SPEM2: variants seen among roughly 807,000 people sequenced by gnomAD.
SPEM2 encodes the protein SPEM family member 2, also known as uncharacterized protein SPEM2.
A neutral mutation model predicts 9.3 loss-of-function variants in SPEM2; 15 were observed. The ratio of observed to expected loss-of-function variants is 1.62; its 90% CI spans 1.08 to 2.50. The LOEUF (loss-of-function observed/expected upper bound fraction) is 2.50. SPEM2 is among the 30% of genes most tolerant of loss of function. SPEM2 has a pLI of 0.00. For synonymous variants in SPEM2, 268 were observed against 272.4 expected (o/e 0.98, Z 0.16); for missense variants, 678 against 690.0 (o/e 0.98, Z 0.19).
Position 7,426,949 on chromosome 17 carries a change from G to A in SPEM2, c.958G>A (p.Gly320Ser), listed in dbSNP as rs966790156. Residue 320 changes from glycine (G) to serine (S), a missense_variant, in exon 3 of 3, where the codon GGC becomes AGC. Coordinates refer to ENST00000333870, the MANE Select transcript of SPEM2 (RefSeq NM_175734.5). The surrounding 1 kb of genome is among the most constrained non-coding windows in gnomAD (Gnocchi z 5.3). ...GGATCAGCGGCGTCGTGGCACGGAG[G>A]GCTTTGAGCGCCCCCCTGCCTCGGT... ...SWDQRRRGTE[G>S]FERPPASVSR... 1.2e-6 allele frequency: 2 copies of A among 1,612,698 alleles called. No homozygotes were observed. Among genetic ancestry groups the A allele is most frequent in the Admixed American group, 1.7e-5 (1 of 60,006 alleles).
Position 7,426,008 on chromosome 17 carries a change from C to T in SPEM2, c.154C>T (p.Gln52Ter). 6.2e-7 allele frequency: 1 copy of T among 1,614,192 alleles called. No individual in the cohort carries two copies. Among genetic ancestry groups the T allele is most frequent in the Non-Finnish European group, 8.5e-7 (1 of 1,180,030 alleles). ...CCTGCCCCAGATGTGGCATGGACTC[C>T]AGAACGCCTTAGACAAGATGATTGA... The part of the protein sequence containing the change: ...NVATMMWHGL[Q>*]NALDKMIDWA... Residue 52 changes from glutamine (Q) to a stop codon, truncating the protein, a stop_gained, in exon 2 of 3, where the codon CAG becomes TAG. Coordinates refer to ENST00000333870, the MANE Select transcript of SPEM2 (RefSeq NM_175734.5). LOFTEE classifies it low-confidence loss of function (END_TRUNC). This position sits in a 1 kb window ranked among gnomAD's most constrained non-coding sequence, Gnocchi z 5.3.
At chr17:7,425,910 T>C in intron 1 of SPEM2, 83 bp from the exon 2 acceptor site, 2 of 1,605,322 alleles carry the variant, frequency 1.2e-6, no homozygotes, top group Non-Finnish European at 1.7e-6. Context: ...CACCTGCAGG[T>C]GCGGTCTAGA....
rs1469742795 is a variant in SPEM2 at position 7,426,929 on chromosome 17, AGCG to A, written c.942_944del (p.Arg316del). ...TGGATGCTGTATGACTCCTGGGATC[AGCG>A]GCGTCGTGGCACGGAGGGCTTTGAG... On this transcript the variant is annotated inframe_deletion, in exon 3 of 3. Coordinates refer to ENST00000333870, the MANE Select transcript of SPEM2 (RefSeq NM_175734.5). This position sits in a 1 kb window ranked among gnomAD's most constrained non-coding sequence, Gnocchi z 5.3. The A allele has an allele frequency of 1.3e-5, 21 of 1,613,154 alleles. No homozygotes were observed. The highest frequency in any genetic ancestry group is 1.5e-5 in the Non-Finnish European group (18 of 1,179,982).
chr17:7,425,751 C>G lies in SPEM2; in HGVS notation c.63C>G (p.His21Gln). 6.2e-7 allele frequency: 1 copy of G among 1,614,208 alleles called. No homozygotes were observed. The highest frequency in any genetic ancestry group is 8.5e-7 in the Non-Finnish European group (1 of 1,180,012). ...GCAATCAATACCAAGAAAGCCCCCA[C>G]GATGCCGAGGACATCTTACTCCTGC... Reference protein sequence around the residue: ...RCCNQYQESPHDAEDILLLLL... With the variant: ...RCCNQYQESPQDAEDILLLLL... Residue 21 changes from histidine to glutamine, a missense_variant, in exon 1 of 3, where the codon CAC (histidine) becomes CAG (glutamine). His to Gln is a conservative substitution (Grantham distance 24). Transcript: ENST00000333870.
At position 7,425,669 on chromosome 17, in the gene SPEM2, G is replaced by T; in HGVS notation, c.-20G>T. On this transcript the variant is annotated 5_prime_UTR_variant, in exon 1 of 3. Transcript: ENST00000333870. ...GGGGGCAGAGGGGGGTGGCCCAGGTGGCCCTAGGACCCCCCCTCCATGGAA... is the reference window on the plus strand; with the variant it reads ...GGGGGCAGAGGGGGGTGGCCCAGGTTGCCCTAGGACCCCCCCTCCATGGAA... 3 of 1,610,866 alleles carry T rather than the reference G, an allele frequency of 1.9e-6. No homozygotes were observed. In the South Asian group the frequency reaches 3.3e-5, roughly 18 times the overall value.
chr17:7,426,624 C>T lies in SPEM2; in HGVS notation c.633C>T (p.Gly211=). ...RGWGGFYQRA[G]LPSNVGLWGH... ...GGGGCGGGTTTTATCAGAGAGCGGG[C>T]CTGCCCTCCAATGTGGGGCTGTGGG... is the stretch of plus-strand genomic sequence containing the variant. Residue 211 remains glycine, a synonymous_variant, in exon 3 of 3, where the codon GGC becomes GGT. Coordinates refer to ENST00000333870, the MANE Select transcript of SPEM2 (RefSeq NM_175734.5). This position sits in a 1 kb window ranked among gnomAD's most constrained non-coding sequence, Gnocchi z 5.3. The T allele has an allele frequency of 6.2e-7, 1 of 1,613,968 alleles. No homozygotes were observed. The highest frequency in any genetic ancestry group is 8.5e-7 in the Non-Finnish European group (1 of 1,179,894).
In SPEM2 at chr17:7,426,783, A is replaced by C. The variant is rs112173827; in HGVS notation, c.792A>C (p.Gln264His). The C allele has an allele frequency of 1.2e-6, 2 of 1,602,648 alleles. No individual in the cohort carries two copies. Among genetic ancestry groups the C allele is most frequent in the South Asian group, 1.1e-5 (1 of 89,598 alleles). Residue 264 changes from glutamine to histidine, a missense_variant, in exon 3 of 3, where the codon CAA becomes CAC. By Grantham distance (24) the Gln-to-His change is conservative (BLOSUM62 0). Transcript: ENST00000333870. The surrounding 1 kb of genome is among the most constrained non-coding windows in gnomAD (Gnocchi z 5.3). The part of the protein sequence containing the change: ...RLQSYGRHGS[Q>H]SRLWGNVEAE... ...AGTCCTATGGGCGCCACGGTTCCCA[A>C]TCCCGACTGTGGGGCAATGTGGAGG... is the stretch of plus-strand genomic sequence containing the variant.
rs779400015 is a variant in SPEM2, at chr17:7,427,482, C to G, written c.1491C>G (p.Thr497=). The part of the protein sequence containing the change: ...TLRPSLHRSQ[T]EKLN ...GGCCCTCTCTGCACAGGAGCCAGACCGAGAAACTCAACTGACCAGCAGGCG... is the reference window on the plus strand; with the variant it reads ...GGCCCTCTCTGCACAGGAGCCAGACGGAGAAACTCAACTGACCAGCAGGCG... The change falls in exon 3 of 3, where the codon ACC becomes ACG. Residue 497 remains threonine (T), a synonymous_variant. Coordinates refer to ENST00000333870, the MANE Select transcript of SPEM2 (RefSeq NM_175734.5). The surrounding 1 kb of genome is among the most constrained non-coding windows in gnomAD (Gnocchi z 5.4). The G allele has an allele frequency of 2.7e-5, 43 of 1,574,054 alleles. No homozygotes were observed. The African/African-American group carries it at 4.6e-4, about 17-fold the overall frequency.
Position 7,426,272 on chromosome 17 carries a change from T to G in SPEM2, c.281T>G (p.Val94Gly). ...CACATCCACTGCATCCTGGACCCTG[T>G]GCAGGTGAAGATGTCCCGACCCACG... ...DVHIHCILDP[V>G]QVKMSRPTQY... The change falls in exon 3 of 3, where the codon GTG (valine) becomes GGG (glycine). Residue 94 changes from valine to glycine, a missense_variant. By Grantham distance (109) the Val-to-Gly change is moderately radical. Transcript: ENST00000333870. This position sits in a 1 kb window ranked among gnomAD's most constrained non-coding sequence, Gnocchi z 5.3. 3.7e-6 allele frequency: 6 copies of G among 1,614,200 alleles called. No individual in the cohort carries two copies. Among genetic ancestry groups the G allele is most frequent in the Admixed American group, 1.7e-5 (1 of 60,018 alleles).
rs369745729 is a variant in SPEM2 at position 7,426,671 on chromosome 17, C to A, written c.680C>A (p.Ala227Asp). The A allele has an allele frequency of 6.2e-7, 1 of 1,613,882 alleles. No homozygotes were observed. Among genetic ancestry groups the A allele is most frequent in the African/African-American group, 1.3e-5 (1 of 74,928 alleles). Reference protein sequence around the residue: ...GLWGHQGGILASLPPPSLYLS... With the variant: ...GLWGHQGGILDSLPPPSLYLS... ...TGGGGCCACCAGGGTGGTATCCTGG[C>A]CAGTCTGCCACCACCCTCTCTCTAC... The change falls in exon 3 of 3, where the codon GCC becomes GAC. Residue 227 changes from alanine (A) to aspartate (D), a missense_variant. Physicochemically the swap from Ala to Asp is moderately radical, Grantham distance 126. Coordinates refer to ENST00000333870, the MANE Select transcript of SPEM2 (RefSeq NM_175734.5). This position sits in a 1 kb window ranked among gnomAD's most constrained non-coding sequence, Gnocchi z 5.3.
chr17:7,426,600 G>C lies in SPEM2; in HGVS notation c.609G>C (p.Trp203Cys), dbSNP rs200800862. Residue 203 changes from tryptophan to cysteine, a missense_variant, in exon 3 of 3, where the codon TGG (tryptophan) becomes TGC (cysteine). Coordinates refer to ENST00000333870, the MANE Select transcript of SPEM2 (RefSeq NM_175734.5). This position sits in a 1 kb window ranked among gnomAD's most constrained non-coding sequence, Gnocchi z 5.3. ...FPYPKYPRRG[W>C]GGFYQRAGLP... ...ATCCCAAGTACCCACGTCGCGGCTGGGGCGGGTTTTATCAGAGAGCGGGCC... is the reference window on the plus strand; with the variant it reads ...ATCCCAAGTACCCACGTCGCGGCTGCGGCGGGTTTTATCAGAGAGCGGGCC... The C allele has an allele frequency of 1.9e-5, 30 of 1,614,170 alleles. No individual in the cohort carries two copies. The Admixed American group carries it at 4.2e-4, about 22-fold the overall frequency.
chr17:7,427,083 C>G lies in SPEM2; in HGVS notation c.1092C>G (p.Pro364=). ...GHAYGQSHRS[P]HPSTEPLGYS... ...CCTATGGCCAGTCCCACCGCAGTCC[C>G]CACCCATCCACGGAACCCTTGGGCT... Residue 364 remains proline (P), a synonymous_variant, in exon 3 of 3, where the codon CCC becomes CCG. Coordinates refer to ENST00000333870, the MANE Select transcript of SPEM2 (RefSeq NM_175734.5). The surrounding 1 kb of genome is among the most constrained non-coding windows in gnomAD (Gnocchi z 5.4). 1.2e-6 allele frequency: 2 copies of G among 1,613,458 alleles called. No homozygotes were observed. The highest frequency in any genetic ancestry group is 1.7e-6 in the Non-Finnish European group (2 of 1,179,908).
chr17:7,427,088 C>A lies in SPEM2; in HGVS notation c.1097C>A (p.Pro366Gln). 6.2e-7 allele frequency: 1 copy of A among 1,613,582 alleles called. No individual in the cohort carries two copies. Reference protein sequence around the residue: ...AYGQSHRSPHPSTEPLGYSSQ... With the variant: ...AYGQSHRSPHQSTEPLGYSSQ... ...GGCCAGTCCCACCGCAGTCCCCACCCATCCACGGAACCCTTGGGCTACAGC... is the reference window on the plus strand; with the variant it reads ...GGCCAGTCCCACCGCAGTCCCCACCAATCCACGGAACCCTTGGGCTACAGC... Residue 366 changes from proline to glutamine, a missense_variant, in exon 3 of 3, where the codon CCA becomes CAA. Pro to Gln is a moderately conservative substitution (Grantham distance 76). Transcript: ENST00000333870. The surrounding 1 kb of genome is among the most constrained non-coding windows in gnomAD (Gnocchi z 5.4).
At position 7,425,825 on chromosome 17, in the gene SPEM2, T is replaced by C; in HGVS notation, c.137T>C (p.Met46Thr). 6.2e-7 allele frequency: 1 copy of C among 1,614,034 alleles called. No individual in the cohort carries two copies. Among genetic ancestry groups the C allele is most frequent in the Non-Finnish European group, 8.5e-7 (1 of 1,179,956 alleles). Residue 46 changes from methionine (M) to threonine (T), a missense_variant and splice_region_variant, in exon 1 of 3, where the codon ATG (methionine) becomes ACG (threonine). Transcript: ENST00000333870. ...AACATTGGCATCAACGTGGCAACTA[T>C]GGTCAGTGATGATTGTGGACTACCT... ...LVNIGINVATMMWHGLQNALD... is the reference protein window; with the variant it reads ...LVNIGINVATTMWHGLQNALD...
Position 7,427,196 on chromosome 17 carries a change from C to A in SPEM2, c.1205C>A (p.Ala402Asp). The A allele has an allele frequency of 3.1e-6, 5 of 1,614,196 alleles. No homozygotes were observed. Among genetic ancestry groups the A allele is most frequent in the Non-Finnish European group, 4.2e-6 (5 of 1,180,016 alleles). Residue 402 changes from alanine to aspartate, a missense_variant, in exon 3 of 3, where the codon GCC (alanine) becomes GAC (aspartate). By Grantham distance (126) the Ala-to-Asp change is moderately radical (BLOSUM62 -2). Coordinates refer to ENST00000333870, the MANE Select transcript of SPEM2 (RefSeq NM_175734.5). The surrounding 1 kb of genome is among the most constrained non-coding windows in gnomAD (Gnocchi z 5.4). ...GCCTGGCGTCCTCTGACTACCTCTG[C>A]CTCCCTCACGGTGTTGGACGAGGCC... is the stretch of plus-strand genomic sequence containing the variant. ...LPAWRPLTTS[A>D]SLTVLDEASH...
At position 7,426,767 on chromosome 17, in the gene SPEM2, G is replaced by A. The variant is rs1156671065; in HGVS notation, c.776G>A (p.Gly259Glu). 5 of 1,603,744 alleles carry A rather than the reference G, an allele frequency of 3.1e-6. No homozygotes were observed. In the South Asian group the frequency reaches 5.6e-5, roughly 18 times the overall value. Residue 259 changes from glycine (G) to glutamate (E), a missense_variant, in exon 3 of 3, where the codon GGG becomes GAG. Coordinates refer to ENST00000333870, the MANE Select transcript of SPEM2 (RefSeq NM_175734.5). This position sits in a 1 kb window ranked among gnomAD's most constrained non-coding sequence, Gnocchi z 5.3. ...TCTGAGCTGAGGCTGCAGTCCTATG[G>A]GCGCCACGGTTCCCAATCCCGACTG... ...ARSELRLQSY[G>E]RHGSQSRLWG...
Position 7,425,765 on chromosome 17 carries a change from T to A in SPEM2, c.77T>A (p.Ile26Asn). Residue 26 changes from isoleucine to asparagine, a missense_variant, in exon 1 of 3, where the codon ATC becomes AAC. Coordinates refer to ENST00000333870, the MANE Select transcript of SPEM2 (RefSeq NM_175734.5). ...GAAAGCCCCCACGATGCCGAGGACA[T>A]CTTACTCCTGCTGCTGGGCCTCATC... ...YQESPHDAEDILLLLLGLIVL... is the reference protein window; with the variant it reads ...YQESPHDAEDNLLLLLGLIVL... 1 of 1,614,168 alleles carries A rather than the reference T, an allele frequency of 6.2e-7. No individual in the cohort carries two copies. The highest frequency in any genetic ancestry group is 8.5e-7 in the Non-Finnish European group (1 of 1,180,020).
Position 7,427,173 on chromosome 17 carries a change from C to T in SPEM2, c.1182C>T (p.Ala394=), listed in dbSNP as rs777487160. Residue 394 remains alanine, a synonymous_variant, in exon 3 of 3, where the codon GCC becomes GCT. Coordinates refer to ENST00000333870, the MANE Select transcript of SPEM2 (RefSeq NM_175734.5). The surrounding 1 kb of genome is among the most constrained non-coding windows in gnomAD (Gnocchi z 5.4). Reference sequence around the variant, plus strand: ...CTGACTGGGCTGAGGCTCTGCCCGCCTGGCGTCCTCTGACTACCTCTGCCT... The same window carrying T: ...CTGACTGGGCTGAGGCTCTGCCCGCTTGGCGTCCTCTGACTACCTCTGCCT... ...RAADWAEALP[A]WRPLTTSASL... 3.2e-5 allele frequency: 52 copies of T among 1,614,080 alleles called. No individual in the cohort carries two copies. The highest frequency in any genetic ancestry group is 1.7e-4 in the Middle Eastern group (1 of 6,060).
At position 7,426,997 on chromosome 17, in the gene SPEM2, G is replaced by A; in HGVS notation, c.1006G>A (p.Ala336Thr). The part of the protein sequence containing the change: ...ASVSRNARPE[A>T]QGCREHHSPQ... The stretch of plus-strand genomic sequence containing the variant: ...GGTGTCCCGGAACGCCCGGCCTGAG[G>A]CCCAGGGCTGCCGGGAGCACCACTC... The change falls in exon 3 of 3, where the codon GCC (alanine) becomes ACC (threonine). Residue 336 changes from alanine to threonine, a missense_variant. Coordinates refer to ENST00000333870, the MANE Select transcript of SPEM2 (RefSeq NM_175734.5). This position sits in a 1 kb window ranked among gnomAD's most constrained non-coding sequence, Gnocchi z 5.3. The A allele has an allele frequency of 6.2e-7, 1 of 1,611,434 alleles. No individual in the cohort carries two copies. Among genetic ancestry groups the A allele is most frequent in the Non-Finnish European group, 8.5e-7 (1 of 1,179,824 alleles).
Sources: gnomAD v4.1 joint callset for allele counts on GRCh38, gnomAD v4.1.1 for gene constraint, Gnocchi (gnomAD v3.1) non-coding constraint, MANE v1.5 for transcripts, NCBI Gene and HGNC (gene_info 2026-07-23, HGNC 2026-07-21) for gene names.